The following AGO3 variants were observed in gnomAD, a reference collection of about 807,000 sequenced individuals.
The protein encoded by AGO3 is protein argonaute-3.
Under a neutral mutation model 105.5 loss-of-function variants are expected in AGO3, and 16 were observed. The observed-to-expected ratio is 0.15, with a 90% CI of 0.10 to 0.23. AGO3 has a LOEUF of 0.23. Ranked by LOEUF, AGO3 falls within the 10% of genes least tolerant of loss-of-function variation. The pLI, the probability that AGO3 is intolerant of heterozygous loss-of-function variation, is 1.00. For synonymous variants in AGO3, 340 were observed against 367.3 expected (o/e 0.93, Z 0.85); for missense variants, 534 against 1,088.0 (o/e 0.49, Z 7.16).
rs376461534 is a variant in AGO3 at position 36,028,158 on chromosome 1, C to T, written c.1591+860C>T. 1.2e-4 allele frequency among the ~76,000 whole-genome samples: 19 copies of T among 152,286 alleles called. No individual in the cohort carries two copies. The East Asian group carries it at 1.5e-3, about 12-fold the overall frequency. The stretch of plus-strand genomic sequence containing the variant: ...TTGGGCTCAAGCAATCCTCCTTTCT[C>T]GGCCTCCCAAGTAGCTGGAACTACA... On this transcript the variant is annotated intron_variant, in intron 12 of 18. Coordinates refer to ENST00000373191, the MANE Select transcript of AGO3 (RefSeq NM_024852.4).
intron 5 of AGO3, chr1:35,983,383 A>G (rs980066288): frequency 6.7e-6 from 1 of 149,760 alleles, no homozygotes; most frequent in African/African-American, 2.5e-5. Flanking sequence ...ATCAGGCTGA[A>G]CAACATAGTG....
chr1:36,025,845 C>T (rs1641476084), intron 11 of AGO3, among the ~76,000 whole-genome samples: 1 of 152,048 alleles, frequency 6.6e-6, no homozygotes, highest in African/African-American at 2.4e-5. Flanking sequence ...CAAGACCAGC[C>T]TGACCAACAT....
chr1:36,000,774 T>C (rs1640046540), intron 5 of AGO3, among the ~76,000 whole-genome samples: 1 of 151,168 alleles, frequency 6.6e-6, no homozygotes, highest in Non-Finnish European at 1.5e-5. Flanking sequence ...GAATATAATA[T>C]ATATATATAT....
At chr1:35,962,669 C>G (rs1405184329) in intron 2 of AGO3, among the ~76,000 whole-genome samples, 19 of 151,802 alleles carry the variant, frequency 1.3e-4, no homozygotes, top group Non-Finnish European at 2.4e-4. Flanking sequence ...GATAAAAATG[C>G]CATTACAAAT....
At chr1:36,003,625 C>T (rs561327987) in intron 5 of AGO3, among the ~76,000 whole-genome samples, 2 of 139,006 alleles carry the variant, frequency 1.4e-5, no homozygotes, top group African/African-American at 2.8e-5. Flanking sequence ...ACCCGGGAGG[C>T]GGAGATTACA....
At chr1:35,950,265 G>C (rs574990271) in intron 2 of AGO3, among the ~76,000 whole-genome samples, 1 of 152,054 alleles carries the variant, frequency 6.6e-6, no homozygotes, top group South Asian at 2.1e-4. Flanking sequence ...AAGTCATAGT[G>C]ATTCTCCTCT....
At chr1:36,049,962 AG>A (rs1284684789) in intron 17 of AGO3, among the ~76,000 whole-genome samples, 3 of 152,254 alleles carry the variant, frequency 2.0e-5, no homozygotes, top group Admixed American at 6.5e-5. Context: ...CTCCAATAAT[AG>A]TAGTTGAGAA....
intron 12 of AGO3, among the ~76,000 whole-genome samples, chr1:36,033,108 T>A (rs1420132198): frequency 2.0e-5 from 3 of 150,812 alleles, no homozygotes; most frequent in African/African-American, 7.3e-5. Flanking sequence ...ACTCCAGCCC[T>A]GGGCAACAAG....
intron 5 of AGO3, among the ~76,000 whole-genome samples, chr1:35,978,101 C>T (rs1646984246): frequency 6.6e-6 from 1 of 152,094 alleles, no homozygotes; most frequent in Non-Finnish European, 1.5e-5. Context: ...ATTATTCTAG[C>T]TCAGGTGTAT....
intron 5 of AGO3, among the ~76,000 whole-genome samples, chr1:36,003,066 G>A (rs898811783): frequency 5.9e-5 from 9 of 151,774 alleles, no homozygotes; most frequent in Admixed American, 5.3e-4. Flanking sequence ...GTGAGACTCC[G>A]TCTAAAAAAT....
intron 5 of AGO3, among the ~76,000 whole-genome samples, chr1:35,998,901 T>G (rs1378024897): frequency 6.6e-6 from 1 of 152,222 alleles, no homozygotes; most frequent in African/African-American, 2.4e-5. Flanking sequence ...CAATAAATGT[T>G]AGTTTTCCTT....
Position 36,069,293 on chromosome 1 carries a change from T to C in AGO3, c.*13548T>C, listed in dbSNP as rs1437065348. 1 of 152,172 alleles carries C rather than the reference T, an allele frequency of 6.6e-6. No individual in the cohort carries two copies. The highest frequency in any genetic ancestry group is 1.9e-4 in the East Asian group (1 of 5,188). 9.4% of individuals were successfully genotyped at this position (152,172 alleles called of 1,614,324 possible). ...TAATTATTTTCTTTTATTGCAGAGA[T>C]GGGGTCTCACATGTTGCCAAGGCTG... is the stretch of plus-strand genomic sequence containing the variant. On this transcript the variant is annotated 3_prime_UTR_variant, in exon 19 of 19. Transcript: ENST00000373191.
rs912075498 is a variant in AGO3, at chr1:36,005,669, A to G, written c.793+1194A>G. 8 of 962,536 alleles carry G rather than the reference A, an allele frequency of 8.3e-6. No individual in the cohort carries two copies. In the African/African-American group the frequency reaches 1.2e-4, roughly 15 times the overall value. 59.6% of individuals were successfully genotyped at this position (962,536 alleles called of 1,614,324 possible). A position where few individuals can be genotyped will look rare whatever the true frequency, so the allele number is the denominator to read the frequency against. ...CCTCTGATATCATGAAGTCACTTAC[A>G]TTATTTTGCGGTAACTATGCAATCA... On this transcript the variant is annotated intron_variant, in intron 6 of 18. Transcript: ENST00000373191.
chr1:36,009,157 T>C, intron 8 of AGO3, 113 bp downstream of exon 8: 1 of 1,265,356 alleles, frequency 7.9e-7, no homozygotes, highest in African/African-American at 1.6e-5. Flanking sequence ...TGAACTGTTT[T>C]TAAGTTTTAA....
intron 16 of AGO3, among the ~76,000 whole-genome samples, chr1:36,040,998 A>G (rs572394163): frequency 5.4e-5 from 8 of 148,702 alleles, no homozygotes; most frequent in Admixed American, 1.4e-4. Context: ...ACTTGAACCC[A>G]GGAGGCAGAG....
In AGO3 at chr1:35,972,244, TG is replaced by T. The variant is rs1646882653; in HGVS notation, c.521+13del. Reference sequence around the variant, plus strand: ...CTGCCCTCCATGAAGTGGGTGCTTCTGCTTTTTTTCTCTTTAGATTTTAAAC... The same window carrying T: ...CTGCCCTCCATGAAGTGGGTGCTTCTCTTTTTTTCTCTTTAGATTTTAAAC... On this transcript the variant is annotated intron_variant, in intron 4 of 18. Transcript: ENST00000373191. The T allele has an allele frequency of 6.2e-7, 1 of 1,612,722 alleles. No homozygotes were observed. Among genetic ancestry groups the T allele is most frequent in the East Asian group, 2.2e-5 (1 of 44,880 alleles).
At position 35,931,358 on chromosome 1, in the gene AGO3, C is replaced by T. The variant is rs997524043; in HGVS notation, c.-69C>T. 2 of 1,376,802 alleles carry T rather than the reference C, an allele frequency of 1.5e-6. No homozygotes were observed. Among genetic ancestry groups the T allele is most frequent in the African/African-American group, 1.5e-5 (1 of 66,230 alleles). The allele number at this position is 1,376,802 out of a possible 1,614,324, so 85.3% of individuals were successfully genotyped here. A position where few individuals can be genotyped will look rare whatever the true frequency, so the allele number is the denominator to read the frequency against. On this transcript the variant is annotated 5_prime_UTR_variant, in exon 1 of 19. Coordinates refer to ENST00000373191, the MANE Select transcript of AGO3 (RefSeq NM_024852.4). Reference sequence around the variant, plus strand: ...CCCGTCGCGTCGCGCCGCGTCGCCCCCCGGGCCGCCTCCTTGCCGCCAGTG... The same window carrying T: ...CCCGTCGCGTCGCGCCGCGTCGCCCTCCGGGCCGCCTCCTTGCCGCCAGTG...
intron 1 of AGO3, among the ~76,000 whole-genome samples, chr1:35,931,798 C>G (rs909299761): frequency 1.3e-5 from 2 of 152,242 alleles, no homozygotes; most frequent in Non-Finnish European, 2.9e-5. Context: ...TCCGTAGAGG[C>G]TGGGCAGCCA....
Position 36,067,628 on chromosome 1 carries a change from A to G in AGO3, c.*11883A>G, listed in dbSNP as rs1224378528. On this transcript the variant is annotated 3_prime_UTR_variant, in exon 19 of 19. Coordinates refer to ENST00000373191, the MANE Select transcript of AGO3 (RefSeq NM_024852.4). ...CCTGCTAGTCTGAATTACAATAAGG[A>G]AATTAAATGAAGGATTTATCTTTAA... The G allele has an allele frequency of 1.3e-5, 2 of 152,182 alleles. No homozygotes were observed. The highest frequency in any genetic ancestry group is 2.9e-5 in the Non-Finnish European group (2 of 68,038). 9.4% of individuals were successfully genotyped at this position (152,182 alleles called of 1,614,324 possible).
Sources: allele counts gnomAD v4.1 joint callset (sites outside exome capture counted in the v4.1 genomes callset), GRCh38; gene constraint gnomAD v4.1.1; transcripts MANE v1.5; gene names NCBI Gene and HGNC (gene_info 2026-07-23, HGNC 2026-07-21).